Variants in RGL1 observed in about 807,000 individuals in gnomAD.
The protein encoded by RGL1 is ral guanine nucleotide dissociation stimulator like 1, also known as ral guanine nucleotide dissociation stimulator-like 1.
A neutral mutation model predicts 95.2 loss-of-function variants in RGL1; 24 were observed. The observed-to-expected ratio is 0.25, with a 90% CI of 0.18 to 0.35. RGL1 has a LOEUF of 0.35. Among genes scored for constraint, RGL1 ranks in the 10% least tolerant of loss-of-function variants. The pLI is 1.00. For missense variants in RGL1, 715 were observed against 936.3 expected (o/e 0.76, Z 3.08); for synonymous variants, 329 against 344.9 (o/e 0.95, Z 0.51).
chr1:183,652,551 A>G (rs140370913), intron 1 of RGL1, among the ~76,000 whole-genome samples: 1 of 152,270 alleles, frequency 6.6e-6, no homozygotes, highest in East Asian at 1.9e-4. Flanking sequence ...TCAATTTGTT[A>G]TCGACCACAG....
intron 1 of RGL1, 134 bp downstream of exon 1, chr1:183,805,458 C>A: frequency 1.3e-6 from 1 of 787,454 alleles, no homozygotes; most frequent in South Asian, 1.5e-5. Context: ...AAAGCTCTCT[C>A]ACTCCGCTTT....
chr1:183,799,052 G>A (rs1558213075), intron 2 of RGL1, among the ~76,000 whole-genome samples: 2 of 151,708 alleles, frequency 1.3e-5, no homozygotes, highest in African/African-American at 2.4e-5. Context: ...ACAGGCGCCC[G>A]CCACCATGCC....
In RGL1 at chr1:183,880,680, C is replaced by T. The variant is rs781662778; in HGVS notation, c.490C>T (p.His164Tyr). The change falls in exon 5 of 18, where the codon CAC (histidine) becomes TAC (tyrosine). Residue 164 changes from histidine to tyrosine, a missense_variant. Transcript: ENST00000360851. ...QCAEDFREPPHFPCLQKLLDY... is the reference protein window; with the variant it reads ...QCAEDFREPPYFPCLQKLLDY... The stretch of plus-strand genomic sequence containing the variant: ...TGCAGAAGACTTCCGAGAGCCCCCT[C>T]ACTTCCCTTGCTTACAGAAACTGCT... The T allele has an allele frequency of 6.2e-7, 1 of 1,613,968 alleles. No homozygotes were observed. Among genetic ancestry groups the T allele is most frequent in the Non-Finnish European group, 8.5e-7 (1 of 1,179,854 alleles).
intron 1 of RGL1, among the ~76,000 whole-genome samples, chr1:183,680,840 C>G (rs952357815): frequency 1.3e-5 from 2 of 152,080 alleles, no homozygotes; most frequent in Admixed American, 6.5e-5. Flanking sequence ...TGTTTGTGTC[C>G]TCTCTTATTT....
At chr1:183,660,633 G>T (rs12049524) in intron 1 of RGL1, among the ~76,000 whole-genome samples, 1 of 150,082 alleles carries the variant, frequency 6.7e-6, no homozygotes, top group South Asian at 2.1e-4. Context: ...CCCACTGTCA[G>T]CATTAGACAG....
chr1:183,825,132 G>A (rs1662759893), intron 2 of RGL1, among the ~76,000 whole-genome samples: 1 of 152,166 alleles, frequency 6.6e-6, no homozygotes, highest in Non-Finnish European at 1.5e-5. Context: ...ATCATTAGTA[G>A]AAACAGGGAT....
At chr1:183,923,241 G>A (rs1024868027) in intron 17 of RGL1, among the ~76,000 whole-genome samples, 1 of 152,144 alleles carries the variant, frequency 6.6e-6, no homozygotes, top group African/African-American at 2.4e-5. Context: ...CACAAGCTAG[G>A]CTATGGGATC....
chr1:183,746,013 CTTCAA>C (rs199852477), intron 2 of RGL1, among the ~76,000 whole-genome samples: 4 of 133,228 alleles, frequency 3.0e-5, no homozygotes, highest in Non-Finnish European at 4.9e-5. Context: ...AAAGAAGTTC[CTTCAA>C]TTCATTTTTT....
In RGL1 at chr1:183,767,992, A is replaced by G. The variant is rs139870256; in HGVS notation, c.132+25703A>G. On this transcript the variant is annotated intron_variant, in intron 2 of 18. Coordinates refer to the RGL1 transcript ENST00000304685. The stretch of plus-strand genomic sequence containing the variant: ...TTGCCCAACTGCCATGTATTTCTTT[A>G]AAATATTTCTTGTTTTACTTTATCA... Among the ~76,000 whole-genome samples the G allele has an allele frequency of 3.9e-3, 590 of 152,276 alleles. 5 individuals carry two copies. The highest frequency in any genetic ancestry group is 0.034 in the Middle Eastern group (10 of 292).
intron 2 of RGL1, among the ~76,000 whole-genome samples, chr1:183,809,295 A>G (rs553883638): frequency 6.6e-6 from 1 of 152,354 alleles, no homozygotes; most frequent in Non-Finnish European, 1.5e-5. Context: ...AAATAATTAC[A>G]TATCCTCAGA....
chr1:183,772,737 C>T (rs1248316261), intron 2 of RGL1, among the ~76,000 whole-genome samples: 4 of 152,002 alleles, frequency 2.6e-5, no homozygotes, highest in South Asian at 2.1e-4. Context: ...GGGCCGGGCG[C>T]GGTGGCTCAC....
intron 1 of RGL1, among the ~76,000 whole-genome samples, chr1:183,638,927 A>G (rs1226432310): frequency 6.6e-6 from 1 of 152,242 alleles, no homozygotes; most frequent in Non-Finnish European, 1.5e-5. Context: ...TTTTAAACCA[A>G]GGATTCTAAC....
rs998909172 is a variant in RGL1, at chr1:183,643,304, T to G, written c.-33+6803T>G. On this transcript the variant is annotated intron_variant, in intron 1 of 18. Coordinates refer to the RGL1 transcript ENST00000304685. ...TTTATTTATTTATTTATTTATTTAT[T>G]TATTTTGAGACGGGGTCTCACTCTG... Among the ~76,000 whole-genome samples the G allele has an allele frequency of 1.3e-5, 2 of 150,336 alleles. 1 individual carries two copies. Among genetic ancestry groups the G allele is most frequent in the South Asian group, 4.3e-4 (2 of 4,662 alleles).
At chr1:183,895,852 T>G (rs770302722) in intron 9 of RGL1, among the ~76,000 whole-genome samples, 1 of 152,196 alleles carries the variant, frequency 6.6e-6, no homozygotes, top group Non-Finnish European at 1.5e-5. Flanking sequence ...CATGAAATCA[T>G]AAAGTCATGG....
At chr1:183,902,322 T>TA (rs1668074858) in intron 11 of RGL1, among the ~76,000 whole-genome samples, 1 of 152,234 alleles carries the variant, frequency 6.6e-6, no homozygotes, top group African/African-American at 2.4e-5. Flanking sequence ...TGTAATTATT[T>TA]ATCATTACTA....
intron 2 of RGL1, among the ~76,000 whole-genome samples, chr1:183,770,411 C>T (rs935267065): frequency 6.6e-6 from 1 of 152,116 alleles, no homozygotes; most frequent in Non-Finnish European, 1.5e-5. Flanking sequence ...AAACTCCTGG[C>T]CCATGCATTC....
chr1:183,798,557 C>T (rs1296335290), intron 2 of RGL1, among the ~76,000 whole-genome samples: 1 of 151,946 alleles, frequency 6.6e-6, no homozygotes, highest in Non-Finnish European at 1.5e-5. Flanking sequence ...GTGAAGATCA[C>T]TTAACATAAG....
intron 15 of RGL1, among the ~76,000 whole-genome samples, chr1:183,914,505 A>T (rs972922338): frequency 6.6e-6 from 1 of 151,994 alleles, no homozygotes; most frequent in African/African-American, 2.4e-5. Flanking sequence ...GACTGAGCTG[A>T]CCTCCACACT....
intron 1 of RGL1, among the ~76,000 whole-genome samples, chr1:183,683,140 CT>C (rs1266290277): frequency 5.9e-5 from 9 of 152,068 alleles, no homozygotes. Context: ...CAGTCTGTGT[CT>C]TTTAATTGGG....
Sources: gnomAD v4.1 joint callset for allele counts (sites outside exome capture counted in the v4.1 genomes callset) on GRCh38, gnomAD v4.1.1 for gene constraint, MANE v1.5 for transcripts, NCBI Gene and HGNC (gene_info 2026-07-23, HGNC 2026-07-21) for gene names.